The following CHM variants were observed in gnomAD, a reference collection of about 807,000 sequenced individuals.
CHM encodes CHM Rab escort protein, also known as rab proteins geranylgeranyltransferase component A 1.
A neutral mutation model predicts 49.0 loss-of-function variants in CHM; 10 were observed. That is an observed-to-expected ratio of 0.20 (90% CI 0.13 to 0.35). The LOEUF is 0.35. Among genes scored for constraint, CHM ranks in the 10% least tolerant of loss-of-function variants. The pLI is 1.00. For synonymous variants in CHM, 184 were observed against 167.5 expected, an observed-to-expected ratio of 1.10 and a Z score of -0.76; for missense variants, 455 against 478.4, an observed-to-expected ratio of 0.95 and a Z score of 0.46.
intron 11 of CHM, among the ~76,000 whole-genome samples, chrX:85,898,963 T>C (rs779871624): frequency 1.8e-5 from 2 of 112,402 alleles, no homozygotes; most frequent in East Asian, 2.8e-4. Context: ...CAAGTATATT[T>C]GGGGGACTTT....
intron 8 of CHM, among the ~76,000 whole-genome samples, chrX:85,921,502 G>C: frequency 8.9e-6 from 1 of 111,863 alleles, no homozygotes; most frequent in Admixed American, 9.5e-5. Flanking sequence ...ACAGTAGGTA[G>C]GACTGTCCCC....
At chrX:85,934,706 C>A (rs1359588771) in intron 8 of CHM, among the ~76,000 whole-genome samples, 1 of 110,090 alleles carries the variant, frequency 9.1e-6, no homozygotes, top group Non-Finnish European at 1.9e-5. Context: ...TGGGTTGGTT[C>A]CAAGTTTTGC....
chrX:85,975,244 A>T (rs1931188636), intron 4 of CHM, among the ~76,000 whole-genome samples: 1 of 112,271 alleles, frequency 8.9e-6, no homozygotes, highest in African/African-American at 3.2e-5. Flanking sequence ...TTTCTTTTAA[A>T]ACTAAATATG....
At chrX:86,028,578 T>A (rs988781029) in intron 1 of CHM, among the ~76,000 whole-genome samples, 10 of 111,910 alleles carry the variant, frequency 8.9e-5, no homozygotes, top group Non-Finnish European at 1.7e-4. Flanking sequence ...ATATTATTTC[T>A]ACCAGCACCA....
chrX:85,981,637 T>C (rs1226115146), intron 3 of CHM, 100 bp downstream of exon 3: 3 of 569,702 alleles, frequency 5.3e-6, no homozygotes, highest in Non-Finnish European at 8.5e-6. Flanking sequence ...AAAGAATCAA[T>C]CCTGTGTTAC....
intron 8 of CHM, among the ~76,000 whole-genome samples, chrX:85,939,376 T>C (rs1447028061): frequency 1.8e-5 from 2 of 112,561 alleles, no homozygotes; most frequent in Middle Eastern, 4.2e-3. Context: ...ATAATACTTA[T>C]GTTATTTTCT....
At chrX:85,913,704 T>TA (rs1372588524) in intron 8 of CHM, among the ~76,000 whole-genome samples, 1 of 110,100 alleles carries the variant, frequency 9.1e-6, no homozygotes, top group Non-Finnish European at 1.9e-5. Context: ...AGGAAAGTAA[T>TA]AAAAAGATCC....
At chrX:86,047,134 CATA>C (rs770245304) in intron 1 of CHM, 6 of 312,525 alleles carry the variant, frequency 1.9e-5, no homozygotes, top group Non-Finnish European at 3.5e-5. Flanking sequence ...AGGAAGGAAT[CATA>C]ATGTCTTGCC....
At chrX:85,880,577 T>C (rs1466764794) in intron 12 of CHM, among the ~76,000 whole-genome samples, 2 of 111,550 alleles carry the variant, frequency 1.8e-5, no homozygotes, top group African/African-American at 6.5e-5. Flanking sequence ...TTGGAAAATA[T>C]CTTAATGGGT....
At chrX:85,920,584 A>C (rs749728413) in intron 8 of CHM, among the ~76,000 whole-genome samples, 51 of 112,427 alleles carry the variant, frequency 4.5e-4, no homozygotes, top group African/African-American at 1.5e-3. Flanking sequence ...AATAATAATC[A>C]CAACTAGCAT....
intron 12 of CHM, among the ~76,000 whole-genome samples, chrX:85,888,166 A>C (rs1925215400): frequency 8.0e-5 from 2 of 25,018 alleles, no homozygotes; most frequent in Non-Finnish European, 1.4e-4. Context: ...AGAGGAAAAA[A>C]TGGCTTCATG....
rs776758268 is a variant in CHM, at chrX:85,963,980, G to A, written c.387C>T (p.Asn129=). 6 of 1,209,046 alleles carry A rather than the reference G, an allele frequency of 5.0e-6. No individual in the cohort carries two copies. The Admixed American group carries it at 1.3e-4, about 26-fold the overall frequency. ...AGGCAGAATCTGCAGCTTCTGTGGAGTTTGCAGATGTCACAAGAGCATGAT... is the reference window on the plus strand; with the variant it reads ...AGGCAGAATCTGCAGCTTCTGTGGAATTTGCAGATGTCACAAGAGCATGAT... The part of the protein sequence containing the change: ...QKNHALVTSA[N]STEAADSAFL... The change falls in exon 5 of 15, where the codon AAC becomes AAT. Residue 129 remains asparagine (N), a synonymous_variant. Transcript: ENST00000357749.
chrX:86,010,278 A>C lies in CHM; in HGVS notation c.116+17213T>G, dbSNP rs184452456. On this transcript the variant is annotated intron_variant, in intron 2 of 14. Coordinates refer to ENST00000357749, the MANE Select transcript of CHM (RefSeq NM_000390.4). The stretch of plus-strand genomic sequence containing the variant: ...AAATGATGAGTTGATGGGTGCAGCA[A>C]ACCAACATGGCACATGTATACCTAT... Among the ~76,000 whole-genome samples, 8 of 104,403 alleles carry C rather than the reference A, an allele frequency of 7.7e-5. No individual in the cohort carries two copies. The East Asian group carries it at 1.2e-3, about 16-fold the overall frequency. 90.7% of individuals were successfully genotyped at this position (104,403 alleles called of 115,157 possible). A position where few individuals can be genotyped will look rare whatever the true frequency, so the allele number is the denominator to read the frequency against.
intron 2 of CHM, among the ~76,000 whole-genome samples, chrX:86,015,343 T>A (rs746214929): frequency 3.6e-5 from 4 of 112,062 alleles, no homozygotes; most frequent in Non-Finnish European, 7.5e-5. Flanking sequence ...CCACCATGAT[T>A]TTGAGGCCTC....
chrX:85,964,765 T>C (rs1930489457), intron 4 of CHM, among the ~76,000 whole-genome samples: 1 of 112,336 alleles, frequency 8.9e-6, no homozygotes, highest in Non-Finnish European at 1.9e-5. Context: ...CGAAGCCCCA[T>C]TTCCAAATTT....
At chrX:85,879,464 A>G (rs1298457664) in intron 12 of CHM, among the ~76,000 whole-genome samples, 1 of 110,886 alleles carries the variant, frequency 9.0e-6, no homozygotes, top group East Asian at 2.8e-4. Flanking sequence ...TTACAGGGTT[A>G]TCTAAAAACC....
In CHM at chrX:85,981,895, C is replaced by G. The variant is rs186943813; in HGVS notation, c.117-86G>C. ...TCTTCATCAACAAACCATCTTTAACCCTTAAACTTACTTCACTTTTTAATA... is the reference window on the plus strand; with the variant it reads ...TCTTCATCAACAAACCATCTTTAACGCTTAAACTTACTTCACTTTTTAATA... On this transcript the variant is annotated intron_variant, in intron 2 of 14. Transcript: ENST00000357749. 6.3e-4 allele frequency: 461 copies of G among 733,866 alleles called. No individual in the cohort carries two copies. The African/African-American group carries it at 8.3e-3, about 13-fold the overall frequency. The allele number at this position is 733,866 out of a possible 1,213,427, so 60.5% of individuals were successfully genotyped here. A position where few individuals can be genotyped will look rare whatever the true frequency, so the allele number is the denominator to read the frequency against.
chrX:85,937,040 G>A (rs1347592753), intron 8 of CHM, among the ~76,000 whole-genome samples: 1 of 110,637 alleles, frequency 9.0e-6, no homozygotes, highest in Non-Finnish European at 1.9e-5. Flanking sequence ...GCTGAGGCAG[G>A]TGGATCATGA....
intron 5 of CHM, among the ~76,000 whole-genome samples, chrX:85,961,035 C>T (rs1467669477): frequency 9.0e-6 from 1 of 110,835 alleles, no homozygotes; most frequent in Non-Finnish European, 1.9e-5. Flanking sequence ...CTGTAAAGCC[C>T]CACAGTATTT....
Sources: allele counts gnomAD v4.1 joint callset (sites outside exome capture counted in the v4.1 genomes callset), GRCh38; gene constraint gnomAD v4.1.1; transcripts MANE v1.5; gene names NCBI Gene and HGNC (gene_info 2026-07-23, HGNC 2026-07-21).